DGKB: variants seen among roughly 807,000 people sequenced by gnomAD.
The protein encoded by DGKB is 90 kDa diacylglycerol kinase.
A neutral mutation model predicts 114.3 loss-of-function variants in DGKB; 67 were observed. That is an observed-to-expected ratio of 0.59 (90% CI 0.48 to 0.72). DGKB has a LOEUF of 0.72. DGKB is among the 30% of genes least tolerant of loss of function. The pLI is 0.00. For synonymous variants in DGKB, 398 were observed against 323.1 expected, an observed-to-expected ratio of 1.23 and a Z score of -2.49; for missense variants, 907 against 975.2, an observed-to-expected ratio of 0.93 and a Z score of 0.93.
chr7:14,662,514 C>T (rs928947731), intron 13 of DGKB, among the ~76,000 whole-genome samples: 1 of 151,770 alleles, frequency 6.6e-6, no homozygotes, highest in South Asian at 2.1e-4. Context: ...CCAGAAGAAA[C>T]CATTCTTCAT....
intron 1 of DGKB, among the ~76,000 whole-genome samples, chr7:14,890,472 T>C (rs915335787): frequency 3.6e-4 from 55 of 151,408 alleles, no homozygotes; most frequent in African/African-American, 1.2e-3. Context: ...GGAAAAATGA[T>C]GTGGGGATAG....
intron 23 of DGKB, among the ~76,000 whole-genome samples, chr7:14,212,365 T>TTTTA (rs1554289921): frequency 1.5e-4 from 3 of 19,746 alleles, no homozygotes; most frequent in African/African-American, 2.5e-4. Context: ...TGTTTTGTGA[T>TTTTA]TTTACTCTCG....
chr7:14,236,634 A>G (rs141484723), intron 23 of DGKB, among the ~76,000 whole-genome samples: 1,549 of 152,044 alleles, frequency 0.01, 29 homozygotes, highest in African/African-American at 0.035. Context: ...AGTTCATAAA[A>G]TTTTCTAAAA....
Position 14,892,559 on chromosome 7 carries a change from G to T in DGKB, c.-188+10033C>A, listed in dbSNP as rs1781417629. ...CATATGAATAAATTTACACATTAAG[G>T]TAAATTGTTATCATTATAAATTCAT... On this transcript the variant is annotated intron_variant, in intron 1 of 25. Coordinates refer to ENST00000402815, the MANE Select transcript of DGKB (RefSeq NM_001350709.2). 2.0e-5 allele frequency among the ~76,000 whole-genome samples: 3 copies of T among 150,716 alleles called. No individual in the cohort carries two copies. In the Admixed American group the frequency reaches 2.0e-4, roughly 10 times the overall value.
At chr7:14,172,884 C>T (rs955936950) in intron 25 of DGKB, among the ~76,000 whole-genome samples, 2 of 152,032 alleles carry the variant, frequency 1.3e-5, no homozygotes, top group South Asian at 4.2e-4. Flanking sequence ...TTCTTCTTCC[C>T]ATTATAAGAA....
At chr7:14,887,195 AC>A (rs1281927809) in intron 1 of DGKB, among the ~76,000 whole-genome samples, 2 of 151,376 alleles carry the variant, frequency 1.3e-5, no homozygotes, top group African/African-American at 4.9e-5. Flanking sequence ...CTTTTGCTCC[AC>A]CACACCACTG....
intron 17 of DGKB, among the ~76,000 whole-genome samples, chr7:14,584,740 C>A (rs1169074248): frequency 6.6e-6 from 1 of 151,790 alleles, no homozygotes; most frequent in Non-Finnish European, 1.5e-5. Flanking sequence ...CTCACTGCAA[C>A]CTCCTCCTCC....
chr7:14,633,585 A>G (rs1370812131), intron 13 of DGKB, among the ~76,000 whole-genome samples: 1 of 151,888 alleles, frequency 6.6e-6, no homozygotes, highest in East Asian at 1.9e-4. Context: ...CTATCGTATC[A>G]CTTCTTTTTT....
chr7:14,640,513 A>G (rs1811566341), intron 13 of DGKB, among the ~76,000 whole-genome samples: 1 of 152,306 alleles, frequency 6.6e-6, no homozygotes, highest in East Asian at 1.9e-4. Flanking sequence ...AGCTCTTTAG[A>G]GTATTAGCAA....
At chr7:14,414,460 C>T (rs1825390470) in intron 21 of DGKB, among the ~76,000 whole-genome samples, 1 of 152,120 alleles carries the variant, frequency 6.6e-6, no homozygotes, top group Non-Finnish European at 1.5e-5. Context: ...TCCCTAGAAG[C>T]CAGGCACCGG....
intron 19 of DGKB, 86 bp downstream of exon 19, chr7:14,580,776 T>C: frequency 1.1e-6 from 1 of 924,682 alleles, no homozygotes; most frequent in Non-Finnish European, 1.7e-6. Flanking sequence ...AATCATATCG[T>C]TTTTGTTTCT....
intron 13 of DGKB, among the ~76,000 whole-genome samples, chr7:14,648,271 G>C (rs1048912846): frequency 6.6e-6 from 1 of 152,174 alleles, no homozygotes; most frequent in African/African-American, 2.4e-5. Context: ...GAGAGCAGTA[G>C]TTCTCCCAGC....
intron 21 of DGKB, among the ~76,000 whole-genome samples, chr7:14,418,976 A>G (rs1337921158): frequency 6.6e-6 from 1 of 151,888 alleles, no homozygotes; most frequent in Non-Finnish European, 1.5e-5. Context: ...ATTCCAGGCC[A>G]TAGGTTCTGC....
intron 21 of DGKB, among the ~76,000 whole-genome samples, chr7:14,462,707 C>G (rs10479926): frequency 0.11 from 17,243 of 152,136 alleles, 1,242 homozygotes; most frequent in East Asian, 0.22. Flanking sequence ...CATCAAGCAA[C>G]CATTGACTTT....
At chr7:14,316,794 A>T (rs1056986035) in intron 23 of DGKB, among the ~76,000 whole-genome samples, 1 of 151,556 alleles carries the variant, frequency 6.6e-6, no homozygotes, top group African/African-American at 2.4e-5. Flanking sequence ...TGAGGCCAGC[A>T]TCATTCTGAT....
intron 20 of DGKB, among the ~76,000 whole-genome samples, chr7:14,518,546 G>C (rs573774747): frequency 6.6e-6 from 1 of 152,036 alleles, no homozygotes; most frequent in South Asian, 2.1e-4. Flanking sequence ...AAAACTTTGT[G>C]TGTAATATAT....
At chr7:14,785,831 A>C (rs541876075) in intron 2 of DGKB, among the ~76,000 whole-genome samples, 13 of 152,088 alleles carry the variant, frequency 8.5e-5, no homozygotes, top group Admixed American at 4.6e-4. Flanking sequence ...TATAGACTAC[A>C]TCAAATTTAT....
intron 21 of DGKB, among the ~76,000 whole-genome samples, chr7:14,408,262 G>T (rs1047908634): frequency 9.9e-5 from 15 of 152,074 alleles, no homozygotes; most frequent in African/African-American, 3.6e-4. Context: ...AACCCTAGGT[G>T]TTGGAGGCAG....
intron 4 of DGKB, among the ~76,000 whole-genome samples, chr7:14,748,307 G>GA (rs931842512): frequency 3.3e-5 from 5 of 151,936 alleles, no homozygotes; most frequent in African/African-American, 9.6e-5. Context: ...AAATGCTATA[G>GA]AAAAAAAATA....
Sources: allele counts gnomAD v4.1 joint callset (sites outside exome capture counted in the v4.1 genomes callset), GRCh38; gene constraint gnomAD v4.1.1; transcripts MANE v1.5; gene names NCBI Gene and HGNC (gene_info 2026-07-23, HGNC 2026-07-21).